FBXO34: variants seen among roughly 807,000 people sequenced by gnomAD.
FBXO34 encodes F-box only protein 34.
A neutral mutation model predicts 24.5 loss-of-function variants in FBXO34; 12 were observed. The ratio of observed to expected loss-of-function variants is 0.49; its 90% CI spans 0.31 to 0.79. FBXO34 has a LOEUF of 0.79. FBXO34 is among the 30% of genes least tolerant of loss of function. The pLI is 0.04. For synonymous variants in FBXO34, 320 were observed against 311.9 expected (o/e 1.03, Z -0.27); for missense variants, 823 against 857.7 (o/e 0.96, Z 0.51).
chr14:55,311,662 A>G (rs1882746356), intron 1 of FBXO34, among the ~76,000 whole-genome samples: 5 of 152,140 alleles, frequency 3.3e-5, no homozygotes, highest in Non-Finnish European at 7.4e-5. Context: ...AGCCCAAACA[A>G]AGGGCCTGCA....
Position 55,352,399 on chromosome 14 carries a change from G to A in FBXO34, c.2009G>A (p.Arg670Gln), listed in dbSNP as rs951471330. The A allele has an allele frequency of 8.1e-6, 13 of 1,614,184 alleles. No homozygotes were observed. The highest frequency in any genetic ancestry group is 5.3e-5 in the African/African-American group (4 of 75,044). ...YGPGYWMCCH[R>Q]SQKGFPGCKL... Reference sequence around the variant, plus strand: ...CCAGGGTATTGGATGTGCTGCCACCGGTCTCAGAAAGGATTCCCTGGCTGT... The same window carrying A: ...CCAGGGTATTGGATGTGCTGCCACCAGTCTCAGAAAGGATTCCCTGGCTGT... The change falls in exon 2 of 2, where the codon CGG (arginine) becomes CAG (glutamine). Residue 670 changes from arginine to glutamine, a missense_variant. By Grantham distance (43) the Arg-to-Gln change is conservative. Around this residue, in one of 2 missense-constraint regions of FBXO34, gnomAD observed 130 missense variants for 198.6 expected, o/e 0.65. Coordinates refer to ENST00000313833, the MANE Select transcript of FBXO34 (RefSeq NM_017943.4).
At chr14:55,338,045 C>CTTTTTTTTT (rs1480397645) in intron 1 of FBXO34, among the ~76,000 whole-genome samples, 2 of 82,918 alleles carry the variant, frequency 2.4e-5, no homozygotes, top group Admixed American at 1.4e-4. Context: ...AGAGTATGTA[C>CTTTTTTTTT]TTCTTTTTTT....
At chr14:55,411,747 G>A in the FBXO34 span, 19 of 1,609,586 alleles carry the variant, frequency 1.2e-5, no homozygotes, top group South Asian at 1.1e-4. Flanking sequence ...GAGTCCACCA[G>A]GTCCCGGGCG....
At chr14:55,315,668 A>G (rs1882902816) in intron 1 of FBXO34, among the ~76,000 whole-genome samples, 1 of 152,198 alleles carries the variant, frequency 6.6e-6, no homozygotes, top group Non-Finnish European at 1.5e-5. Flanking sequence ...TTTAAAGGGA[A>G]GTTCCATTGT....
the FBXO34 span, among the ~76,000 whole-genome samples, chr14:55,379,594 A>G: frequency 6.6e-6 from 1 of 152,254 alleles, no homozygotes; most frequent in East Asian, 1.9e-4. Context: ...ATTAAAAAGA[A>G]TAAGAATTTC....
At chr14:55,313,157 G>A (rs983683340) in intron 1 of FBXO34, among the ~76,000 whole-genome samples, 4 of 152,102 alleles carry the variant, frequency 2.6e-5, no homozygotes, top group South Asian at 2.1e-4. Context: ...TTTCTTCTAC[G>A]AGATACTCTA....
chr14:55,336,913 C>G (rs1185230846), intron 1 of FBXO34, among the ~76,000 whole-genome samples: 4 of 150,192 alleles, frequency 2.7e-5, no homozygotes, highest in African/African-American at 9.8e-5. Flanking sequence ...ATTTTATGGT[C>G]TGTCTGACTC....
At position 55,336,883 on chromosome 14, in the gene FBXO34, C is replaced by T. The variant is rs569259282; in HGVS notation, c.-10-13498C>T. On this transcript the variant is annotated intron_variant, in intron 1 of 1. Coordinates refer to ENST00000313833, the MANE Select transcript of FBXO34 (RefSeq NM_017943.4). ...ATACATGCACGCACACACACACACA[C>T]ACACACACACATATATACTATTTTA... Among the ~76,000 whole-genome samples the T allele has an allele frequency of 9.6e-4, 146 of 151,308 alleles. 1 individual carries two copies. In the Middle Eastern group the frequency reaches 0.01, roughly 11 times the overall value.
At chr14:55,363,200 T>A (rs1433675568), downstream of FBXO34, among the ~76,000 whole-genome samples, 1 of 150,410 alleles carries the variant, frequency 6.6e-6, no homozygotes, top group Non-Finnish European at 1.5e-5. Context: ...TTTTTTTTTT[T>A]TTTTTTTAAT....
In FBXO34 at chr14:55,346,527, G is replaced by A. The variant is rs1458619787; in HGVS notation, c.-10-3854G>A. Among the ~76,000 whole-genome samples, 3 of 152,324 alleles carry A rather than the reference G, an allele frequency of 2.0e-5. No homozygotes were observed. The East Asian group carries it at 5.8e-4, about 29-fold the overall frequency. ...TGTCTACCAGGCTGTGGGATATGAA[G>A]TTGGGGAGAGTGTGTCACTGGAAAT... On this transcript the variant is annotated intron_variant, in intron 1 of 1. Transcript: ENST00000313833.
At chr14:55,307,244 G>T (rs1882582477) in intron 1 of FBXO34, among the ~76,000 whole-genome samples, 1 of 152,196 alleles carries the variant, frequency 6.6e-6, no homozygotes, top group Non-Finnish European at 1.5e-5. Flanking sequence ...GATCTGCTTT[G>T]TACTACTAGC....
At chr14:55,384,014 C>G in the FBXO34 span, among the ~76,000 whole-genome samples, 1 of 152,190 alleles carries the variant, frequency 6.6e-6, no homozygotes, top group African/African-American at 2.4e-5. Flanking sequence ...TCTGCCACAA[C>G]ATACGTATAA....
chr14:55,347,658 A>C (rs542979845), intron 1 of FBXO34, among the ~76,000 whole-genome samples: 1 of 152,142 alleles, frequency 6.6e-6, no homozygotes, highest in Admixed American at 6.5e-5. Flanking sequence ...TCCTATTTTA[A>C]TCTTGCTAAA....
intron 1 of FBXO34, among the ~76,000 whole-genome samples, chr14:55,335,562 G>A (rs1594758149): frequency 1.3e-5 from 2 of 152,132 alleles, no homozygotes; most frequent in African/African-American, 4.8e-5. Flanking sequence ...AACCAATTTG[G>A]TGACTTTTAG....
At chr14:55,322,849 C>T (rs970346708) in intron 1 of FBXO34, among the ~76,000 whole-genome samples, 1 of 151,710 alleles carries the variant, frequency 6.6e-6, no homozygotes, top group Admixed American at 6.6e-5. Context: ...TTACATTTTA[C>T]TCAGTGTGCC....
chr14:55,382,146 G>A, the FBXO34 span: 1 of 1,614,120 alleles, frequency 6.2e-7, no homozygotes, highest in East Asian at 2.2e-5. Flanking sequence ...TCACAGTGCT[G>A]GAGGTCATGG....
At chr14:55,442,698 G>A in the FBXO34 span, among the ~76,000 whole-genome samples, 1 of 144,410 alleles carries the variant, frequency 6.9e-6, no homozygotes, top group Non-Finnish European at 1.5e-5. Context: ...TAATTTAAAG[G>A]TTTGTGTTGA....
the FBXO34 span, chr14:55,440,489 G>T: frequency 6.2e-7 from 1 of 1,612,666 alleles, no homozygotes; most frequent in Non-Finnish European, 8.5e-7. Flanking sequence ...GCGGGTAAGA[G>T]GGTAAGCGCG....
At chr14:55,372,087 C>G (rs1051453906), downstream of FBXO34, among the ~76,000 whole-genome samples, 1 of 152,148 alleles carries the variant, frequency 6.6e-6, no homozygotes, top group African/African-American at 2.4e-5. Context: ...TCTCCTAGCG[C>G]CACTCCCAAA....
Sources: gnomAD v4.1 joint callset for allele counts (sites outside exome capture counted in the v4.1 genomes callset) on GRCh38, gnomAD v4.1.1 for gene constraint, gnomAD v4.1.1 regional missense constraint, MANE v1.5 for transcripts, NCBI Gene and HGNC (gene_info 2026-07-23, HGNC 2026-07-21) for gene names.